KAT6B: variants seen among roughly 807,000 people sequenced by gnomAD.
The protein encoded by KAT6B is lysine acetyltransferase 6B.
A neutral mutation model predicts 187.5 loss-of-function variants in KAT6B; 10 were observed. The observed-to-expected ratio is 0.05, with a 90% CI of 0.03 to 0.09. The LOEUF (loss-of-function observed/expected upper bound fraction) is 0.09, where lower values mean the gene tolerates loss of function less well. Ranked by LOEUF, KAT6B falls within the 10% of genes least tolerant of loss-of-function variation. KAT6B has a pLI of 1.00. For synonymous variants in KAT6B, 861 were observed against 926.8 expected, an observed-to-expected ratio of 0.93 and a Z score of 1.29; for missense variants, 1,952 against 2,558.9, an observed-to-expected ratio of 0.76 and a Z score of 5.12.
chr10:74,904,281 C>T (rs1846601083), intron 3 of KAT6B, among the ~76,000 whole-genome samples: 1 of 152,154 alleles, frequency 6.6e-6, no homozygotes, highest in Non-Finnish European at 1.5e-5. Context: ...AACTGGGTCC[C>T]CTGCTCAAGG....
chr10:74,896,377 C>T (rs7900543), intron 3 of KAT6B, among the ~76,000 whole-genome samples: 5,136 of 152,196 alleles, frequency 0.034, 175 homozygotes, highest in East Asian at 0.11. Context: ...CTGCAACCCC[C>T]GCCTCCTGGG....
intron 10 of KAT6B, among the ~76,000 whole-genome samples, chr10:74,980,684 G>A (rs1338916373): frequency 6.6e-6 from 1 of 152,142 alleles, no homozygotes; most frequent in Non-Finnish European, 1.5e-5. Flanking sequence ...ATACTCCAAA[G>A]ACCTTGCAAG....
At chr10:74,933,795 G>A (rs985103610) in intron 3 of KAT6B, among the ~76,000 whole-genome samples, 3 of 152,198 alleles carry the variant, frequency 2.0e-5, no homozygotes, top group Non-Finnish European at 2.9e-5. Flanking sequence ...CTTTATTCTG[G>A]TGACATAGGT....
At chr10:74,837,491 TC>T (rs1841388870) in intron 1 of KAT6B, among the ~76,000 whole-genome samples, 1 of 152,216 alleles carries the variant, frequency 6.6e-6, no homozygotes, top group Admixed American at 6.5e-5. Context: ...TGATAGAATG[TC>T]CTATCTACAT....
intron 3 of KAT6B, among the ~76,000 whole-genome samples, chr10:74,871,018 C>G (rs371037554): frequency 2.4e-4 from 36 of 151,436 alleles, no homozygotes; most frequent in African/African-American, 8.7e-4. Flanking sequence ...GCTGGGATTA[C>G]AGGTGCCCAG....
At chr10:74,901,696 T>C (rs1309946312) in intron 3 of KAT6B, among the ~76,000 whole-genome samples, 1 of 152,172 alleles carries the variant, frequency 6.6e-6, no homozygotes, top group Non-Finnish European at 1.5e-5. Context: ...CTCTTCTGAC[T>C]GGGATTGTTC....
At position 74,942,720 on chromosome 10, in the gene KAT6B, G is replaced by A. The variant is rs544602397; in HGVS notation, c.622-17250G>A. On this transcript the variant is annotated intron_variant, in intron 3 of 17. Coordinates refer to ENST00000287239, the MANE Select transcript of KAT6B (RefSeq NM_012330.4). ...GTGGAGGTTGCAGTGAGCCGAGATCGTGCCATTGCACTCCAGCCTAGGCAA... is the reference window on the plus strand; with the variant it reads ...GTGGAGGTTGCAGTGAGCCGAGATCATGCCATTGCACTCCAGCCTAGGCAA... 1.2e-4 allele frequency among the ~76,000 whole-genome samples: 16 copies of A among 129,636 alleles called. No homozygotes were observed. The South Asian group carries it at 1.9e-3, about 15-fold the overall frequency. The allele number at this position is 129,636 out of a possible 152,430, so 85.0% of individuals were successfully genotyped here. A position where few individuals can be genotyped will look rare whatever the true frequency, so the allele number is the denominator to read the frequency against.
chr10:75,015,556 A>G (rs889081290), intron 13 of KAT6B, among the ~76,000 whole-genome samples: 1 of 152,220 alleles, frequency 6.6e-6, no homozygotes, highest in Non-Finnish European at 1.5e-5. Context: ...AACCAGGAAC[A>G]GATGAGCGTA....
chr10:74,944,989 A>G (rs1190194922), intron 3 of KAT6B, among the ~76,000 whole-genome samples: 1 of 152,138 alleles, frequency 6.6e-6, no homozygotes, highest in East Asian at 1.9e-4. Flanking sequence ...ATAAACCTAC[A>G]CTTAACCGTA....
At chr10:75,027,572 CATATATTTATTAAT>C (rs1193794072) in intron 17 of KAT6B, among the ~76,000 whole-genome samples, 16 of 151,644 alleles carry the variant, frequency 1.1e-4, no homozygotes, top group African/African-American at 1.9e-4. Context: ...GTGCTTCATG[CATATATTTATTAAT>C]ATATATTTAT....
chr10:74,928,798 T>C (rs890102031), intron 3 of KAT6B, among the ~76,000 whole-genome samples: 9 of 152,208 alleles, frequency 5.9e-5, no homozygotes. Context: ...GGCATGTACA[T>C]TTTTTAGTTT....
At chr10:74,976,352 C>T in intron 8 of KAT6B, 22 bp downstream of exon 8, 1 of 1,597,678 alleles carries the variant, frequency 6.3e-7, no homozygotes. Context: ...GTCAAAGCTC[C>T]AACCAAACCT....
At chr10:74,951,149 A>AG (rs1165038129) in intron 3 of KAT6B, among the ~76,000 whole-genome samples, 1 of 145,228 alleles carries the variant, frequency 6.9e-6, no homozygotes, top group Non-Finnish European at 1.5e-5. Context: ...GTTTCTTTTG[A>AG]GACAGAATCT....
At chr10:74,855,552 A>G (rs769239873) in intron 3 of KAT6B, among the ~76,000 whole-genome samples, 4 of 152,210 alleles carry the variant, frequency 2.6e-5, no homozygotes, top group Non-Finnish European at 4.4e-5. Flanking sequence ...ACCCAGCTTT[A>G]GCTGTTGAGC....
intron 10 of KAT6B, among the ~76,000 whole-genome samples, chr10:74,980,629 T>C: frequency 6.6e-6 from 1 of 152,364 alleles, no homozygotes; most frequent in East Asian, 1.9e-4. Context: ...GAAAGTAGTC[T>C]CACCTGTGTC....
chr10:74,865,519 C>A (rs1843493463), intron 3 of KAT6B, among the ~76,000 whole-genome samples: 1 of 143,476 alleles, frequency 7.0e-6, no homozygotes, highest in Non-Finnish European at 1.5e-5. Flanking sequence ...ATTATTTTAT[C>A]TTTTTTTTTT....
rs776233286 is a variant in KAT6B, at chr10:75,022,144, A to AGAG, written c.3288_3290dup (p.Glu1104dup). On this transcript the variant is annotated inframe_insertion, in exon 16 of 18. Coordinates refer to ENST00000287239, the MANE Select transcript of KAT6B (RefSeq NM_012330.4). ...AGGAAGAGGATGAAGAGGAGGAAGA[A>AGAG]GAGGAAGAAGAAGAAGAAGAAGAAG... is the stretch of plus-strand genomic sequence containing the variant. The AGAG allele has an allele frequency of 4.4e-6, 7 of 1,581,720 alleles. No individual in the cohort carries two copies. The highest frequency in any genetic ancestry group is 2.3e-5 in the East Asian group (1 of 44,150).
At chr10:74,979,374 A>C in intron 10 of KAT6B, 35 bp downstream of exon 10, 1 of 1,332,826 alleles carries the variant, frequency 7.5e-7, no homozygotes, top group Non-Finnish European at 1.1e-6. Context: ...TATAACTTGA[A>C]TGTCACATAT....
At chr10:75,002,720 A>G (rs889582491) in intron 13 of KAT6B, among the ~76,000 whole-genome samples, 6 of 152,346 alleles carry the variant, frequency 3.9e-5, no homozygotes, top group African/African-American at 1.4e-4. Context: ...GAAAAGGTAC[A>G]GTAAAAATAT....
Sources: allele counts gnomAD v4.1 joint callset (sites outside exome capture counted in the v4.1 genomes callset), GRCh38; gene constraint gnomAD v4.1.1; transcripts MANE v1.5; gene names NCBI Gene and HGNC (gene_info 2026-07-23, HGNC 2026-07-21).